DNAAF6: variants seen among roughly 807,000 people sequenced by gnomAD.
The protein encoded by DNAAF6 is dynein axonemal assembly factor 6.
A neutral mutation model predicts 13.7 loss-of-function variants in DNAAF6; 3 were observed. That is an observed-to-expected ratio of 0.22 (90% CI 0.10 to 0.56). DNAAF6 has a LOEUF of 0.56. Among genes scored for constraint, DNAAF6 ranks in the 20% least tolerant of loss-of-function variants. The pLI is 0.92. For synonymous variants in DNAAF6, 54 were observed against 49.2 expected (o/e 1.10, Z -0.41); for missense variants, 130 against 151.0 (o/e 0.86, Z 0.73).
chrX:107,239,948 A>T (rs145046155), intron 6 of DNAAF6, among the ~76,000 whole-genome samples: 1,164 of 111,691 alleles, frequency 0.01, 21 homozygotes, highest in African/African-American at 0.035. Context: ...TACAAGGAAA[A>T]TTGGTTAAAT....
At chrX:107,218,342 T>C (rs977428966) in intron 3 of DNAAF6, among the ~76,000 whole-genome samples, 4 of 112,306 alleles carry the variant, frequency 3.6e-5, no homozygotes, top group Non-Finnish European at 5.6e-5. Context: ...TTGAGAATTA[T>C]GTCATGCTTG....
Position 107,213,036 on chromosome X carries a change from T to C in DNAAF6, c.153+8T>C. 1 of 1,170,291 alleles carries C rather than the reference T, an allele frequency of 8.5e-7. No individual in the cohort carries two copies. The stretch of plus-strand genomic sequence containing the variant: ...GATTCTGACTATGGACAGGTGGTCA[T>C]ATACTTAACAGTTGAATTAGTTTTG... On this transcript the variant is annotated splice_region_variant and intron_variant, in intron 2 of 6. Transcript: ENST00000372453.
intron 3 of DNAAF6, among the ~76,000 whole-genome samples, chrX:107,216,958 A>T (rs1928005653): frequency 9.0e-6 from 1 of 111,505 alleles, no homozygotes; most frequent in Non-Finnish European, 1.9e-5. Flanking sequence ...AATCAGCTTG[A>T]GTTAGTCATC....
At chrX:107,235,390 C>T (rs959053743) in intron 5 of DNAAF6, among the ~76,000 whole-genome samples, 3 of 111,311 alleles carry the variant, frequency 2.7e-5, no homozygotes, top group Non-Finnish European at 5.7e-5. Flanking sequence ...GTAGGGCTGA[C>T]CTGTATAACT....
At chrX:107,209,133 C>A (rs1927789919) in intron 1 of DNAAF6, among the ~76,000 whole-genome samples, 1 of 110,720 alleles carries the variant, frequency 9.0e-6, no homozygotes. Context: ...AAGCAGAAAG[C>A]AATTAGTCAG....
rs568848565 is a variant in DNAAF6 at position 107,222,262 on chromosome X, G to A, written c.333-483G>A. Among the ~76,000 whole-genome samples the A allele has an allele frequency of 6.3e-5, 7 of 111,550 alleles. No homozygotes were observed. The South Asian group carries it at 2.6e-3, about 42-fold the overall frequency. On this transcript the variant is annotated intron_variant, in intron 4 of 6. Transcript: ENST00000372453. The stretch of plus-strand genomic sequence containing the variant: ...AAATGTAGAAACTGAGACCCCATGA[G>A]TTTGTGACTTGACCAAGGTCCACAG...
chrX:107,240,919 T>G (rs778964270), intron 6 of DNAAF6, among the ~76,000 whole-genome samples: 1 of 111,923 alleles, frequency 8.9e-6, no homozygotes, highest in Admixed American at 9.5e-5. Context: ...TTTAGATTAC[T>G]CACACATTTG....
intron 5 of DNAAF6, among the ~76,000 whole-genome samples, chrX:107,235,947 C>T (rs192427930): frequency 9.7e-6 from 1 of 103,334 alleles, no homozygotes; most frequent in Admixed American, 1.1e-4. Flanking sequence ...AGCAATATAG[C>T]AAGACCCCAT....
chrX:107,212,083 T>C (rs1313544975), intron 1 of DNAAF6, among the ~76,000 whole-genome samples: 2 of 111,733 alleles, frequency 1.8e-5, no homozygotes, highest in Admixed American at 9.6e-5. Flanking sequence ...TCTACAGGTA[T>C]AGCTTCCCAC....
chrX:107,241,379 T>C (rs1378994514), intron 6 of DNAAF6, among the ~76,000 whole-genome samples: 1 of 112,151 alleles, frequency 8.9e-6, no homozygotes, highest in African/African-American at 3.2e-5. Flanking sequence ...AAAATGCAAA[T>C]ACATTGTCAA....
rs1472786427 is a variant in DNAAF6, at chrX:107,244,235, GCA to G, written c.*940_*941del. ...GACTTTAAAATAAATTTAAAGTGTGGCACATTTACAAATCCTGTTTGCTCTCA... is the reference window on the plus strand; with the variant it reads ...GACTTTAAAATAAATTTAAAGTGTGGCATTTACAAATCCTGTTTGCTCTCA... On this transcript the variant is annotated 3_prime_UTR_variant, in exon 7 of 7. Transcript: ENST00000372453. 8.9e-6 allele frequency: 1 copy of G among 111,798 alleles called. No individual in the cohort carries two copies. Among genetic ancestry groups the G allele is most frequent in the East Asian group, 2.8e-4 (1 of 3,587 alleles). 9.2% of individuals were successfully genotyped at this position (111,798 alleles called of 1,213,427 possible). A position where few individuals can be genotyped will look rare whatever the true frequency, so the allele number is the denominator to read the frequency against.
In DNAAF6 at chrX:107,243,398, CAT is replaced by C. The variant is rs754870204; in HGVS notation, c.*103_*104del. Reference sequence around the variant, plus strand: ...TTCTATATTCTCTTTATTATTCTGACATATTTTTGAAAGGGACAAAATTCAGT... The same window carrying C: ...TTCTATATTCTCTTTATTATTCTGACATTTTTGAAAGGGACAAAATTCAGT... On this transcript the variant is annotated 3_prime_UTR_variant, in exon 7 of 7. Transcript: ENST00000372453. The C allele has an allele frequency of 9.6e-6, 10 of 1,040,673 alleles. No individual in the cohort carries two copies. In the South Asian group the frequency reaches 1.9e-4, roughly 20 times the overall value. The allele number at this position is 1,040,673 out of a possible 1,213,427, so 85.8% of individuals were successfully genotyped here.
In DNAAF6 at chrX:107,223,103, C is replaced by T. The variant is rs185104509; in HGVS notation, c.429+262C>T. On this transcript the variant is annotated intron_variant, in intron 5 of 6. Transcript: ENST00000372453. ...ACAATACACAATTTCTATTTTTATC[C>T]CTATTAAAACTTCCCAATTGGATTG... Among the ~76,000 whole-genome samples, 16 of 111,211 alleles carry T rather than the reference C, an allele frequency of 1.4e-4. No homozygotes were observed. In the Admixed American group the frequency reaches 1.5e-3, roughly 11 times the overall value.
At chrX:107,215,804 A>AT (rs1223151941) in intron 2 of DNAAF6, among the ~76,000 whole-genome samples, 1 of 111,855 alleles carries the variant, frequency 8.9e-6, no homozygotes, top group Non-Finnish European at 1.9e-5. Context: ...GGAGATAAGA[A>AT]TTTTTTGACT....
chrX:107,219,711 T>C (rs778349317), intron 4 of DNAAF6, among the ~76,000 whole-genome samples: 84 of 111,510 alleles, frequency 7.5e-4, no homozygotes, highest in Admixed American at 3.5e-3. Flanking sequence ...CAACACTTAC[T>C]AAATTATAAT....
In DNAAF6 at chrX:107,218,849, T is replaced by A. The variant is rs778877277; in HGVS notation, c.227-15T>A. The A allele has an allele frequency of 1.6e-5, 19 of 1,176,907 alleles. No homozygotes were observed. The highest frequency in any genetic ancestry group is 2.2e-5 in the Non-Finnish European group (19 of 882,080). On this transcript the variant is annotated splice_polypyrimidine_tract_variant and intron_variant, in intron 3 of 6. Coordinates refer to ENST00000372453, the MANE Select transcript of DNAAF6 (RefSeq NM_173494.2). ...AAAAGCATGAGCTTCAGCTTTATCT[T>A]CCCTTTCTTCACAGTCATCCCTGAA...
intron 5 of DNAAF6, among the ~76,000 whole-genome samples, chrX:107,233,671 G>A (rs1157652258): frequency 9.1e-6 from 1 of 109,816 alleles, no homozygotes; most frequent in Non-Finnish European, 1.9e-5. Context: ...CAGGCCCAGT[G>A]TTATAAAGGA....
At chrX:107,237,749 T>C (rs1439201217) in intron 5 of DNAAF6, among the ~76,000 whole-genome samples, 8 of 112,277 alleles carry the variant, frequency 7.1e-5, no homozygotes, top group East Asian at 2.8e-4. Context: ...GTTGGGAGGC[T>C]GAGGCGGGCA....
At chrX:107,228,548 T>TAA (rs113760137) in intron 5 of DNAAF6, among the ~76,000 whole-genome samples, 62 of 101,896 alleles carry the variant, frequency 6.1e-4, no homozygotes, top group African/African-American at 2.1e-3. Flanking sequence ...GAACAAACAG[T>TAA]AAAAAAAAAA....
Sources: allele counts gnomAD v4.1 joint callset (sites outside exome capture counted in the v4.1 genomes callset), GRCh38; gene constraint gnomAD v4.1.1; transcripts MANE v1.5; gene names NCBI Gene and HGNC (gene_info 2026-07-23, HGNC 2026-07-21).